The following SORCS1 variants were observed in gnomAD, a reference collection of about 807,000 sequenced individuals.
SORCS1 encodes VPS10 domain-containing receptor SorCS1.
In SORCS1, 60 loss-of-function variants were observed where a neutral mutation model predicts 146.1. That is an observed-to-expected ratio of 0.41 (90% confidence interval 0.33 to 0.51). SORCS1 has a LOEUF of 0.51. Ranked by LOEUF, SORCS1 falls within the 20% of genes least tolerant of loss-of-function variation. The pLI is 0.21. For synonymous variants in SORCS1, 637 were observed against 584.0 expected (o/e 1.09, Z -1.31); for missense variants, 1,352 against 1,487.6 (o/e 0.91, Z 1.50).
intron 2 of SORCS1, among the ~76,000 whole-genome samples, chr10:106,879,546 G>A (rs1950733897): frequency 6.6e-6 from 1 of 152,188 alleles, no homozygotes; most frequent in African/African-American, 2.4e-5. Flanking sequence ...GTAGATGTAA[G>A]TGTGGTTACT....
At chr10:106,883,483 C>T (rs1017828011) in intron 2 of SORCS1, among the ~76,000 whole-genome samples, 6 of 150,468 alleles carry the variant, frequency 4.0e-5, no homozygotes, top group African/African-American at 9.8e-5. Flanking sequence ...GGCACGATCT[C>T]GGCTCACTGC....
intron 2 of SORCS1, among the ~76,000 whole-genome samples, chr10:106,877,581 A>G (rs1465768675): frequency 1.3e-5 from 2 of 152,186 alleles, no homozygotes; most frequent in African/African-American, 4.8e-5. Flanking sequence ...AAACATGGGT[A>G]ATGTTTGGTG....
At chr10:106,740,085 A>AG (rs1564917954) in intron 5 of SORCS1, among the ~76,000 whole-genome samples, 1 of 152,152 alleles carries the variant, frequency 6.6e-6, no homozygotes, top group Non-Finnish European at 1.5e-5. Flanking sequence ...ACATCAAGCA[A>AG]GGGGGGGAAA....
chr10:106,802,910 T>C (rs955272353), intron 3 of SORCS1, among the ~76,000 whole-genome samples: 3 of 152,188 alleles, frequency 2.0e-5, no homozygotes, highest in Non-Finnish European at 4.4e-5. Flanking sequence ...GGATTACAGG[T>C]GTGAGCCATC....
intron 3 of SORCS1, among the ~76,000 whole-genome samples, chr10:106,786,195 G>A (rs1187128104): frequency 6.6e-6 from 1 of 152,174 alleles, no homozygotes; most frequent in Non-Finnish European, 1.5e-5. Context: ...ATCTATCTCA[G>A]AACAGTGGCT....
chr10:107,022,027 T>C (rs987783142), intron 1 of SORCS1, among the ~76,000 whole-genome samples: 6 of 152,150 alleles, frequency 3.9e-5, no homozygotes, highest in Admixed American at 3.9e-4. Flanking sequence ...TATTGAGCAA[T>C]TAACATTTGA....
intron 1 of SORCS1, among the ~76,000 whole-genome samples, chr10:106,961,359 G>T (rs776302023): frequency 6.6e-6 from 1 of 152,112 alleles, no homozygotes; most frequent in Non-Finnish European, 1.5e-5. Flanking sequence ...AACATTTAAG[G>T]AACCTGAGAA....
At chr10:107,066,446 T>C (rs1469149282) in intron 1 of SORCS1, among the ~76,000 whole-genome samples, 1 of 152,194 alleles carries the variant, frequency 6.6e-6, no homozygotes, top group Non-Finnish European at 1.5e-5. Flanking sequence ...TCTAGAAATA[T>C]TACTTAGTAT....
chr10:106,742,387 ATT>A (rs59961325), intron 5 of SORCS1, among the ~76,000 whole-genome samples: 18,967 of 128,906 alleles, frequency 0.15, 1,208 homozygotes, highest in East Asian at 0.35. Flanking sequence ...ATTTTACACA[ATT>A]TTTTTTTTGA....
intron 1 of SORCS1, among the ~76,000 whole-genome samples, chr10:107,101,615 G>A (rs563526265): frequency 1.3e-5 from 2 of 152,092 alleles, no homozygotes; most frequent in Non-Finnish European, 2.9e-5. Context: ...TGCCATCTCG[G>A]TCACTCAAAC....
At chr10:107,019,225 C>G (rs888109937) in intron 1 of SORCS1, among the ~76,000 whole-genome samples, 2 of 152,090 alleles carry the variant, frequency 1.3e-5, no homozygotes, top group African/African-American at 4.8e-5. Context: ...AAAAAATAAA[C>G]ATTTTTGAAA....
chr10:106,841,431 C>G (rs1949034717), intron 2 of SORCS1, among the ~76,000 whole-genome samples: 1 of 152,140 alleles, frequency 6.6e-6, no homozygotes, highest in Admixed American at 6.5e-5. Context: ...GATCACAGCA[C>G]TGCACTCCAG....
chr10:106,963,868 G>A (rs1268485572), intron 1 of SORCS1, among the ~76,000 whole-genome samples: 1 of 152,172 alleles, frequency 6.6e-6, no homozygotes, highest in East Asian at 1.9e-4. Context: ...ATGAGTCTCT[G>A]AAAGCTCAGT....
chr10:106,880,994 G>A (rs757145136), intron 2 of SORCS1, among the ~76,000 whole-genome samples: 35 of 148,940 alleles, frequency 2.3e-4, no homozygotes, highest in African/African-American at 7.7e-4. Context: ...GGAGAATGGC[G>A]TGAACCCAGG....
At chr10:106,976,136 A>C (rs1321741332) in intron 1 of SORCS1, among the ~76,000 whole-genome samples, 2 of 149,968 alleles carry the variant, frequency 1.3e-5, no homozygotes, top group Non-Finnish European at 3.0e-5. Context: ...CTGTCTCAAA[A>C]AAAAAAAAAA....
At chr10:106,979,990 T>C (rs1213670610) in intron 1 of SORCS1, among the ~76,000 whole-genome samples, 1 of 152,218 alleles carries the variant, frequency 6.6e-6, no homozygotes, top group African/African-American at 2.4e-5. Context: ...TTATCATCAT[T>C]ATGGTGAATG....
chr10:107,150,357 C>T (rs944177406), intron 1 of SORCS1, among the ~76,000 whole-genome samples: 1 of 152,252 alleles, frequency 6.6e-6, no homozygotes, highest in Admixed American at 6.5e-5. Flanking sequence ...CAAAATCACT[C>T]TTAAGAGATT....
chr10:107,004,846 T>A (rs941963728), intron 1 of SORCS1, among the ~76,000 whole-genome samples: 1 of 152,182 alleles, frequency 6.6e-6, no homozygotes, highest in East Asian at 1.9e-4. Flanking sequence ...CCCATAAATA[T>A]GCTGGTATGT....
intron 3 of SORCS1, among the ~76,000 whole-genome samples, chr10:106,788,812 G>A (rs190252620): frequency 6.6e-6 from 1 of 152,312 alleles, no homozygotes; most frequent in African/African-American, 2.4e-5. Context: ...TTGGGGTCTG[G>A]AGGACGGTGG....
Sources: gnomAD v4.1 joint callset for allele counts (sites outside exome capture counted in the v4.1 genomes callset) on GRCh38, gnomAD v4.1.1 for gene constraint, MANE v1.5 for transcripts, NCBI Gene and HGNC (gene_info 2026-07-23, HGNC 2026-07-21) for gene names.